Variants in HDAC9 observed in about 807,000 individuals in gnomAD.
HDAC9 encodes the protein MEF-2 interacting transcription repressor (MITR) protein.
Under a neutral mutation model 139.4 loss-of-function variants are expected in HDAC9, and 41 were observed. That is an observed-to-expected ratio of 0.29 (90% confidence interval 0.23 to 0.38). HDAC9 has a LOEUF of 0.38. Among genes scored for constraint, HDAC9 ranks in the 10% least tolerant of loss-of-function variants. HDAC9 has a pLI of 1.00. For missense variants in HDAC9, 1,147 were observed against 1,297.0 expected, an observed-to-expected ratio of 0.88 and a Z score of 1.78; for synonymous variants, 517 against 476.2, an observed-to-expected ratio of 1.09 and a Z score of -1.12.
chr7:18,181,268 A>G (rs11981154), intron 2 of HDAC9, among the ~76,000 whole-genome samples: 1,990 of 152,298 alleles, frequency 0.013, 39 homozygotes, highest in African/African-American at 0.045. Context: ...TCATTCACCA[A>G]ACTTTTATTT....
chr7:18,323,873 G>C (rs968822192), intron 1 of HDAC9, among the ~76,000 whole-genome samples: 1 of 151,220 alleles, frequency 6.6e-6, no homozygotes, highest in African/African-American at 2.4e-5. Flanking sequence ...GGAAGTCAAA[G>C]ATCAAGGTGC....
chr7:18,913,387 G>T (rs1563050903), intron 22 of HDAC9, among the ~76,000 whole-genome samples: 1 of 152,082 alleles, frequency 6.6e-6, no homozygotes, highest in Non-Finnish European at 1.5e-5. Context: ...TCTATCTGAT[G>T]ATTATTTAAT....
chr7:18,098,422 G>A (rs1227017955), intron 1 of HDAC9, among the ~76,000 whole-genome samples: 1 of 152,154 alleles, frequency 6.6e-6, no homozygotes, highest in Non-Finnish European at 1.5e-5. Context: ...AAATACTTTA[G>A]AATTTTCCAC....
At chr7:18,710,896 A>G (rs1784297792) in intron 12 of HDAC9, among the ~76,000 whole-genome samples, 1 of 152,278 alleles carries the variant, frequency 6.6e-6, no homozygotes, top group Non-Finnish European at 1.5e-5. Context: ...ATATTTACCC[A>G]TATAAATAAA....
chr7:18,994,667 T>C (rs1585521548), intron 25 of HDAC9, among the ~76,000 whole-genome samples: 1 of 152,194 alleles, frequency 6.6e-6, no homozygotes, highest in Non-Finnish European at 1.5e-5. Flanking sequence ...TTAAAATCTT[T>C]CTTTTAATGT....
chr7:18,652,731 TATTC>T (rs1789707794), intron 11 of HDAC9, among the ~76,000 whole-genome samples: 2 of 152,254 alleles, frequency 1.3e-5, no homozygotes, highest in South Asian at 2.1e-4. Context: ...CTGTTTTTCA[TATTC>T]ATTCCATTAA....
chr7:18,621,724 C>T (rs1421944539), intron 6 of HDAC9, among the ~76,000 whole-genome samples: 6 of 152,050 alleles, frequency 3.9e-5, no homozygotes, highest in Non-Finnish European at 7.4e-5. Flanking sequence ...TAATTCATAA[C>T]ATTAAAGGTT....
intron 2 of HDAC9, among the ~76,000 whole-genome samples, chr7:18,206,543 T>C (rs771287310): frequency 7.9e-5 from 12 of 152,160 alleles, no homozygotes; most frequent in Non-Finnish European, 1.3e-4. Context: ...GATCCCATTA[T>C]ACAAAAGAAA....
At chr7:18,619,482 C>T (rs1251728461) in intron 6 of HDAC9, among the ~76,000 whole-genome samples, 2 of 152,122 alleles carry the variant, frequency 1.3e-5, no homozygotes, top group South Asian at 4.1e-4. Context: ...GCATCAAGGG[C>T]TGGAGCCATA....
Position 18,908,625 on chromosome 7 carries a change from G to T in HDAC9, c.2804-27184G>T, listed in dbSNP as rs546356927. Among the ~76,000 whole-genome samples, 449 of 152,064 alleles carry T rather than the reference G, an allele frequency of 3.0e-3. 3 individuals carry two copies. Among genetic ancestry groups the T allele is most frequent in the African/African-American group, 9.8e-3 (405 of 41,514 alleles). ...ACATCAACTCTTTTGGCTTCCACAT[G>T]TAAGTGAGATTGTGCGGTATTTATT... On this transcript the variant is annotated intron_variant, in intron 22 of 25. Coordinates refer to ENST00000686413, the MANE Select transcript of HDAC9 (RefSeq NM_178425.4).
chr7:18,677,910 A>G (rs1781626967), intron 12 of HDAC9, among the ~76,000 whole-genome samples: 1 of 151,828 alleles, frequency 6.6e-6, no homozygotes, highest in Admixed American at 6.6e-5. Context: ...TCCTTTCAAG[A>G]ATGATTTGTT....
intron 1 of HDAC9, among the ~76,000 whole-genome samples, chr7:18,314,419 C>T (rs1208015085): frequency 6.6e-6 from 1 of 152,196 alleles, no homozygotes; most frequent in East Asian, 1.9e-4. Flanking sequence ...TTAGACTGGA[C>T]TTGCAGTGTG....
chr7:18,780,681 G>A (rs1394314798), intron 16 of HDAC9, among the ~76,000 whole-genome samples: 1 of 152,036 alleles, frequency 6.6e-6, no homozygotes, highest in African/African-American at 2.4e-5. Flanking sequence ...AGTTTAGATA[G>A]TTTAGCCACA....
intron 12 of HDAC9, among the ~76,000 whole-genome samples, chr7:18,707,118 C>A (rs768957103): frequency 6.6e-6 from 1 of 152,108 alleles, no homozygotes; most frequent in Non-Finnish European, 1.5e-5. Context: ...GAAGAAAAGC[C>A]ACAAAGAGAG....
chr7:18,480,877 T>C (rs767511910), intron 1 of HDAC9, among the ~76,000 whole-genome samples: 5 of 152,148 alleles, frequency 3.3e-5, no homozygotes, highest in Admixed American at 6.5e-5. Flanking sequence ...ATTTGGAGTA[T>C]GTTTAAGAAA....
chr7:18,325,784 C>A (rs367623257), intron 1 of HDAC9, among the ~76,000 whole-genome samples: 1 of 152,088 alleles, frequency 6.6e-6, no homozygotes, highest in African/African-American at 2.4e-5. Context: ...TTTTAAAGTA[C>A]CTTTTCTATG....
At chr7:18,993,709 A>G (rs1480757353) in intron 25 of HDAC9, among the ~76,000 whole-genome samples, 3 of 152,040 alleles carry the variant, frequency 2.0e-5, no homozygotes, top group Non-Finnish European at 4.4e-5. Flanking sequence ...ATACTGAGGT[A>G]GGAGAATGGC....
chr7:18,953,324 C>T (rs565573723), intron 23 of HDAC9, among the ~76,000 whole-genome samples: 3 of 152,218 alleles, frequency 2.0e-5, no homozygotes, highest in Admixed American at 2.0e-4. Context: ...TTTGCAAGGG[C>T]CCTAGCCATG....
chr7:18,710,820 A>C (rs1408790920), intron 12 of HDAC9, among the ~76,000 whole-genome samples: 2 of 152,328 alleles, frequency 1.3e-5, no homozygotes, highest in East Asian at 3.9e-4. Context: ...GTTAATGCAG[A>C]ACATTTTGTT....
Sources: allele counts gnomAD v4.1 joint callset (sites outside exome capture counted in the v4.1 genomes callset), GRCh38; gene constraint gnomAD v4.1.1; transcripts MANE v1.5; gene names NCBI Gene and HGNC (gene_info 2026-07-23, HGNC 2026-07-21).